SCRG1: variants seen among roughly 807,000 people sequenced by gnomAD.
SCRG1 encodes scrapie-responsive protein 1.
SCRG1 carries 3 observed loss-of-function variants against 7.7 expected under a neutral mutation model. The ratio of observed to expected loss-of-function variants is 0.39; its 90% CI spans 0.18 to 1.01. The LOEUF (loss-of-function observed/expected upper bound fraction) is 1.01. Among genes scored for constraint, SCRG1 ranks in the 50% least tolerant of loss-of-function variants. SCRG1 has a pLI of 0.36. For synonymous variants in SCRG1, 46 were observed against 41.2 expected (o/e 1.12, Z -0.44); for missense variants, 110 against 117.2 (o/e 0.94, Z 0.28).
At chr4:173,408,966 TG>T (rs1444684230), upstream of SCRG1, among the ~76,000 whole-genome samples, 2 of 120,312 alleles carry the variant, frequency 1.7e-5, no homozygotes, top group Admixed American at 1.2e-4. Flanking sequence ...CACTCCGGCC[TG>T]GGCGAAAGAG....
At chr4:173,416,737 C>T in the SCRG1 span, among the ~76,000 whole-genome samples, 16 of 152,286 alleles carry the variant, frequency 1.1e-4, no homozygotes, top group South Asian at 2.5e-3. Flanking sequence ...CTTCGTGTGA[C>T]GGCCTCTAGG....
the SCRG1 span, among the ~76,000 whole-genome samples, chr4:173,455,243 TTA>T: frequency 2.6e-5 from 4 of 151,972 alleles, no homozygotes; most frequent in African/African-American, 9.7e-5. Flanking sequence ...GAGTCAAACT[TTA>T]TATATTAAGG....
At chr4:173,422,778 C>T in the SCRG1 span, among the ~76,000 whole-genome samples, 1 of 152,116 alleles carries the variant, frequency 6.6e-6, no homozygotes, top group Non-Finnish European at 1.5e-5. Context: ...TGACTATGAC[C>T]ATATATGATA....
chr4:173,461,326 TC>T, the SCRG1 span, among the ~76,000 whole-genome samples: 1 of 152,344 alleles, frequency 6.6e-6, no homozygotes, highest in East Asian at 1.9e-4. Context: ...ACAGGGGTAC[TC>T]GTGTTACTCC....
At chr4:173,503,013 G>A in the SCRG1 span, among the ~76,000 whole-genome samples, 1 of 152,194 alleles carries the variant, frequency 6.6e-6, no homozygotes, top group African/African-American at 2.4e-5. The surrounding 1 kb of genome is among the most constrained non-coding windows in gnomAD (Gnocchi z 6.4). Context: ...AGAGCACCTA[G>A]CACCCGTGGA....
the SCRG1 span, among the ~76,000 whole-genome samples, chr4:173,435,254 T>C: frequency 6.6e-6 from 1 of 152,042 alleles, no homozygotes; most frequent in Non-Finnish European, 1.5e-5. Flanking sequence ...CAGGGGGCAG[T>C]TGGGAAAACA....
chr4:173,391,695 A>G (rs1381780106), intron 1 of SCRG1, among the ~76,000 whole-genome samples: 2 of 152,228 alleles, frequency 1.3e-5, no homozygotes, highest in Non-Finnish European at 2.9e-5. Context: ...TGGGAGGCCT[A>G]TGTACAAGGA....
chr4:173,508,375 CAACT>C, the SCRG1 span, among the ~76,000 whole-genome samples: 4 of 152,142 alleles, frequency 2.6e-5, no homozygotes, highest in African/African-American at 9.7e-5. This position sits in a 1 kb window ranked among gnomAD's most constrained non-coding sequence, Gnocchi z 4.4. Context: ...TAAATTTCTC[CAACT>C]AACTCCAGAT....
At chr4:173,511,272 G>A in the SCRG1 span, among the ~76,000 whole-genome samples, 1 of 152,006 alleles carries the variant, frequency 6.6e-6, no homozygotes, top group Non-Finnish European at 1.5e-5. This position sits in a 1 kb window ranked among gnomAD's most constrained non-coding sequence, Gnocchi z 5.2. Flanking sequence ...GCCACCGCGC[G>A]CCGGGTGGAA....
At chr4:173,481,172 A>G in the SCRG1 span, among the ~76,000 whole-genome samples, 1 of 152,188 alleles carries the variant, frequency 6.6e-6, no homozygotes, top group African/African-American at 2.4e-5. Context: ...AAACCACATC[A>G]ATTTCCCTTT....
At chr4:173,439,486 G>A in the SCRG1 span, among the ~76,000 whole-genome samples, 1 of 147,742 alleles carries the variant, frequency 6.8e-6, no homozygotes, top group East Asian at 2.0e-4. Context: ...CTGCACTCCA[G>A]CCTGGGCAAC....
the SCRG1 span, among the ~76,000 whole-genome samples, chr4:173,515,465 A>C: frequency 2.0e-5 from 3 of 152,012 alleles, no homozygotes; most frequent in African/African-American, 7.2e-5. The surrounding 1 kb of genome is among the most constrained non-coding windows in gnomAD (Gnocchi z 4.6). Context: ...TGGAGTGGGA[A>C]TATCCAAATG....
At chr4:173,413,609 T>C in the SCRG1 span, among the ~76,000 whole-genome samples, 1 of 152,162 alleles carries the variant, frequency 6.6e-6, no homozygotes, top group South Asian at 2.1e-4. Context: ...ATATTGGGGA[T>C]AGTTAAGATG....
the SCRG1 span, among the ~76,000 whole-genome samples, chr4:173,503,190 C>G: frequency 1.3e-5 from 2 of 152,184 alleles, no homozygotes; most frequent in South Asian, 4.1e-4. This position sits in a 1 kb window ranked among gnomAD's most constrained non-coding sequence, Gnocchi z 6.4. Flanking sequence ...CCCAAGCCCC[C>G]AGTCATATAC....
intron 1 of SCRG1, among the ~76,000 whole-genome samples, chr4:173,405,725 CTT>C (rs1739886034): frequency 6.6e-6 from 1 of 152,152 alleles, no homozygotes; most frequent in Non-Finnish European, 1.5e-5. Flanking sequence ...TTAGTTGCCT[CTT>C]GTGTCTCTAT....
the SCRG1 span, among the ~76,000 whole-genome samples, chr4:173,510,972 T>C: frequency 1.3e-5 from 2 of 152,146 alleles, no homozygotes; most frequent in Non-Finnish European, 1.5e-5. The surrounding 1 kb of genome is among the most constrained non-coding windows in gnomAD (Gnocchi z 5.7). Flanking sequence ...CTGCCTCTTC[T>C]TTTTTTGTTT....
At chr4:173,479,427 G>A in the SCRG1 span, among the ~76,000 whole-genome samples, 1 of 132,226 alleles carries the variant, frequency 7.6e-6, no homozygotes, top group East Asian at 2.5e-4. Flanking sequence ...TGTTTTTTTT[G>A]TTTGTTTGTT....
the SCRG1 span, among the ~76,000 whole-genome samples, chr4:173,414,113 C>G: frequency 3.3e-5 from 5 of 152,140 alleles, no homozygotes; most frequent in African/African-American, 1.2e-4. Flanking sequence ...TCAACCTAAT[C>G]ACCCAGCAAC....
At chr4:173,448,139 A>T in the SCRG1 span, among the ~76,000 whole-genome samples, 1 of 152,152 alleles carries the variant, frequency 6.6e-6, no homozygotes, top group Admixed American at 6.5e-5. Context: ...AAAAAAACCC[A>T]TCAGGATGGG....
Sources: allele counts gnomAD v4.1 joint callset (sites outside exome capture counted in the v4.1 genomes callset), GRCh38; gene constraint gnomAD v4.1.1; non-coding constraint Gnocchi (gnomAD v3.1); transcripts MANE v1.5; gene names NCBI Gene and HGNC (gene_info 2026-07-23, HGNC 2026-07-21).